SLC9C2: variants seen among roughly 807,000 people sequenced by gnomAD.
SLC9C2 encodes solute carrier family 9 member C2 (putative), also known as sodium/hydrogen exchanger 11.
A neutral mutation model predicts 140.2 loss-of-function variants in SLC9C2; 75 were observed. The observed-to-expected ratio is 0.53, with a 90% CI of 0.44 to 0.65. SLC9C2 has a LOEUF of 0.65. Ranked by LOEUF, SLC9C2 falls within the 30% of genes least tolerant of loss-of-function variation. SLC9C2 has a pLI of 0.00. For missense variants in SLC9C2, 1,074 were observed against 1,331.8 expected, an observed-to-expected ratio of 0.81 and a Z score of 3.01; for synonymous variants, 375 against 420.9, an observed-to-expected ratio of 0.89 and a Z score of 1.34.
At chr1:173,548,631 A>T in intron 11 of SLC9C2, 79 bp from the exon 12 acceptor site, 1 of 1,502,436 alleles carries the variant, frequency 6.7e-7, no homozygotes, top group South Asian at 1.2e-5. Flanking sequence ...TTGCATGATC[A>T]TGTAGTGAAA....
Position 173,557,367 on chromosome 1 carries a change from A to C in SLC9C2, c.1188T>G (p.Ala396=). The part of the protein sequence containing the change: ...LLWAPDVYNL[A]ERKVEVPQMF... ...TTTGTGGTACTTCCACTTTTCGTTC[A>C]GCGAGATTATAAACATCAGGAGCCC... Residue 396 remains alanine (A), a synonymous_variant, in exon 10 of 28, where the codon GCT becomes GCG. Transcript: ENST00000367714. 6.2e-7 allele frequency: 1 copy of C among 1,613,118 alleles called. No individual in the cohort carries two copies. Among genetic ancestry groups the C allele is most frequent in the South Asian group, 1.1e-5 (1 of 90,830 alleles).
intron 13 of SLC9C2, among the ~76,000 whole-genome samples, chr1:173,539,197 T>C (rs929523602): frequency 6.6e-6 from 1 of 152,138 alleles, no homozygotes; most frequent in African/African-American, 2.4e-5. Context: ...CAATGGAAAA[T>C]GTAGGCACTG....
chr1:173,529,832 T>C (rs1661449404), intron 18 of SLC9C2, 73 bp downstream of exon 18: 1 of 1,505,492 alleles, frequency 6.6e-7, no homozygotes, highest in East Asian at 2.3e-5. Context: ...CAAACACACA[T>C]AGAACTAGTC....
chr1:173,507,647 G>A (rs1659747613), intron 24 of SLC9C2, among the ~76,000 whole-genome samples: 1 of 152,162 alleles, frequency 6.6e-6, no homozygotes, highest in South Asian at 2.1e-4. Context: ...ACTGGAATAG[G>A]TTGGGCCTCT....
intron 13 of SLC9C2, among the ~76,000 whole-genome samples, chr1:173,544,412 A>C (rs1418468681): frequency 6.6e-6 from 1 of 152,218 alleles, no homozygotes; most frequent in Non-Finnish European, 1.5e-5. Flanking sequence ...TGTTGGTGGG[A>C]GTGTAAACTA....
intron 15 of SLC9C2, 123 bp from the exon 16 acceptor site, chr1:173,534,805 T>C: frequency 1.3e-6 from 1 of 774,210 alleles, no homozygotes; most frequent in East Asian, 4.2e-5. Flanking sequence ...AAAATAATAG[T>C]AAGCAAAAAT....
At chr1:173,528,160 C>T (rs952855759) in intron 18 of SLC9C2, among the ~76,000 whole-genome samples, 2 of 152,180 alleles carry the variant, frequency 1.3e-5, no homozygotes, top group Non-Finnish European at 2.9e-5. Context: ...CCTGGGCATA[C>T]ATTTATTTTT....
At chr1:173,526,840 G>T in intron 18 of SLC9C2, 126 bp from the exon 19 acceptor site, 1 of 697,200 alleles carries the variant, frequency 1.4e-6, no homozygotes, top group Non-Finnish European at 2.3e-6. Context: ...TATAGTTCTG[G>T]CTTTCCTTTT....
At chr1:173,521,450 T>C (rs535245085) in intron 21 of SLC9C2, 51 bp from the exon 22 acceptor site, 1 of 764,546 alleles carries the variant, frequency 1.3e-6, no homozygotes, top group Non-Finnish European at 1.9e-6. Context: ...ACACAAAAGC[T>C]TCCTAGTCTA....
At chr1:173,508,996 A>T (rs1024266) in intron 24 of SLC9C2, among the ~76,000 whole-genome samples, 29,879 of 151,360 alleles carry the variant, frequency 0.2, 4,226 homozygotes, top group East Asian at 0.64. Context: ...TCAGGGGGGG[A>T]TCTACCTATT....
chr1:173,519,483 A>G (rs1660653798), intron 22 of SLC9C2, among the ~76,000 whole-genome samples: 1 of 152,192 alleles, frequency 6.6e-6, no homozygotes, highest in Non-Finnish European at 1.5e-5. Context: ...CACAGCCATG[A>G]GATAATATAT....
At chr1:173,523,900 C>A in intron 21 of SLC9C2, 69 bp downstream of exon 21, 2 of 1,545,564 alleles carry the variant, frequency 1.3e-6, no homozygotes, top group Non-Finnish European at 1.7e-6. Flanking sequence ...GTTAATCTTT[C>A]ATTAGGGAGT....
chr1:173,581,015 G>A (rs540480146), intron 7 of SLC9C2, among the ~76,000 whole-genome samples: 15 of 152,262 alleles, frequency 9.9e-5, no homozygotes, highest in South Asian at 4.1e-4. Flanking sequence ...GGAAATGAGC[G>A]TTCAATGAAT....
chr1:173,541,418 T>C (rs1378778942), intron 13 of SLC9C2, among the ~76,000 whole-genome samples: 16 of 152,168 alleles, frequency 1.1e-4, no homozygotes, highest in Admixed American at 1.0e-3. Flanking sequence ...TGGGAGATTT[T>C]AACACCCCAC....
chr1:173,575,127 A>AT (rs1337713229), intron 8 of SLC9C2, among the ~76,000 whole-genome samples: 2 of 151,900 alleles, frequency 1.3e-5, no homozygotes, highest in Admixed American at 6.6e-5. Context: ...CTCAAAAGAA[A>AT]TTTTTTTTCA....
chr1:173,601,992 A>G, intron 1 of SLC9C2, 137 bp from the exon 2 acceptor site: 1 of 523,472 alleles, frequency 1.9e-6, no homozygotes, highest in South Asian at 2.5e-5. Context: ...CTCTTGTCCT[A>G]CCCCTTGCTC....
intron 11 of SLC9C2, among the ~76,000 whole-genome samples, chr1:173,549,933 G>A (rs1010589101): frequency 2.0e-5 from 3 of 152,172 alleles, no homozygotes; most frequent in Non-Finnish European, 4.4e-5. Flanking sequence ...GGAAGCATGA[G>A]AGAAACCCAC....
At chr1:173,559,691 T>C (rs919783133) in intron 9 of SLC9C2, among the ~76,000 whole-genome samples, 3 of 152,228 alleles carry the variant, frequency 2.0e-5, no homozygotes, top group Non-Finnish European at 4.4e-5. Flanking sequence ...GAACTTCAGA[T>C]TCCTTCCATG....
In SLC9C2 at chr1:173,529,675, A is replaced by C. The variant is rs539276514; in HGVS notation, c.2313+230T>G. The stretch of plus-strand genomic sequence containing the variant: ...TCTCTATACTCTGCACTCAGAAAAG[A>C]GATCATATGTTTTCTGCCATGAAGA... On this transcript the variant is annotated intron_variant, in intron 18 of 27. Transcript: ENST00000367714. Among the ~76,000 whole-genome samples the C allele has an allele frequency of 5.2e-4, 79 of 151,092 alleles. 1 individual carries two copies. In the South Asian group the frequency reaches 0.016, roughly 30 times the overall value.
Sources: gnomAD v4.1 joint callset for allele counts (sites outside exome capture counted in the v4.1 genomes callset) on GRCh38, gnomAD v4.1.1 for gene constraint, MANE v1.5 for transcripts, NCBI Gene and HGNC (gene_info 2026-07-23, HGNC 2026-07-21) for gene names.